ACAA1: variants seen among roughly 807,000 people sequenced by gnomAD.
ACAA1 encodes acetyl-CoA acyltransferase 1.
Under a neutral mutation model 48.8 loss-of-function variants are expected in ACAA1, and 44 were observed. The observed-to-expected ratio is 0.90, with a 90% CI of 0.71 to 1.16. The LOEUF (loss-of-function observed/expected upper bound fraction) is 1.16. Ranked by LOEUF, ACAA1 falls within the 50% of genes most tolerant of loss-of-function variation. The probability of loss-of-function intolerance (pLI) is 0.00; values close to 1 mark genes in which losing one functional copy is unlikely to be tolerated. For missense variants in ACAA1, 512 were observed against 562.3 expected, an observed-to-expected ratio of 0.91 and a Z score of 0.90; for synonymous variants, 233 against 226.5, an observed-to-expected ratio of 1.03 and a Z score of -0.26.
At chr3:38,136,462 G>T in intron 2 of ACAA1, 130 bp downstream of exon 2, 1 of 896,016 alleles carries the variant, frequency 1.1e-6, no homozygotes, top group Non-Finnish European at 1.8e-6. Context: ...GTGTGAAGGG[G>T]CAGGACCCCT....
intron 6 of ACAA1, among the ~76,000 whole-genome samples, chr3:38,128,425 T>A (rs1230051663): frequency 6.6e-6 from 1 of 152,214 alleles, no homozygotes; most frequent in African/African-American, 2.4e-5. Context: ...TCTGGCTTTA[T>A]AGGCTTCCCT....
intron 11 of ACAA1, chr3:38,123,521 T>G: frequency 5.7e-6 from 1 of 175,556 alleles, no homozygotes; most frequent in Non-Finnish European, 1.2e-5. Context: ...AAGATCAAAA[T>G]CCTGAAAATA....
chr3:38,131,796 G>A (rs1157827438), intron 4 of ACAA1, 130 bp downstream of exon 4: 2 of 1,189,128 alleles, frequency 1.7e-6, no homozygotes, highest in African/African-American at 1.5e-5. Flanking sequence ...CAGTGGTAGG[G>A]GGCGCTCCTG....
intron 5 of ACAA1, among the ~76,000 whole-genome samples, chr3:38,131,148 A>G (rs1700777673): frequency 6.6e-6 from 1 of 152,224 alleles, no homozygotes; most frequent in Admixed American, 6.5e-5. Flanking sequence ...AAGTTTCCAC[A>G]CTGGTTCCAA....
In ACAA1 at chr3:38,126,191, T is replaced by C. The variant is rs763447621; in HGVS notation, c.968A>G (p.Tyr323Cys). 1.6e-5 allele frequency: 26 copies of C among 1,614,016 alleles called. No individual in the cohort carries two copies. The highest frequency in any genetic ancestry group is 2.2e-5 in the Non-Finnish European group (26 of 1,179,990). Residue 323 changes from tyrosine (Y) to cysteine (C), a missense_variant, in exon 9 of 12, where the codon TAT becomes TGT. Coordinates refer to ENST00000333167, the MANE Select transcript of ACAA1 (RefSeq NM_001607.4). This position sits in a 1 kb window ranked among gnomAD's most constrained non-coding sequence, Gnocchi z 4.7. ...PPDIMGIGPA[Y>C]AIPVALQKAG... Reference sequence around the variant, plus strand: ...TTTTTGCAAAGCTACTGGGATGGCATAGGCAGGTCCAATGCCCATGATGTC... The same window carrying C: ...TTTTTGCAAAGCTACTGGGATGGCACAGGCAGGTCCAATGCCCATGATGTC...
Position 38,129,707 on chromosome 3 carries a change from A to G in ACAA1, c.447-319T>C, listed in dbSNP as rs562872703. ...AGAAAAGCCTTCTGCTGTCAGCCACAGAGGAGGAAACACATCCACAAGCCA... is the reference window on the plus strand; with the variant it reads ...AGAAAAGCCTTCTGCTGTCAGCCACGGAGGAGGAAACACATCCACAAGCCA... On this transcript the variant is annotated intron_variant, in intron 5 of 11. Transcript: ENST00000333167. The surrounding 1 kb of genome is among the most constrained non-coding windows in gnomAD (Gnocchi z 5.3). Among the ~76,000 whole-genome samples the G allele has an allele frequency of 6.6e-6, 1 of 152,374 alleles. No individual in the cohort carries two copies. The highest frequency in any genetic ancestry group is 2.4e-5 in the African/African-American group (1 of 41,596).
chr3:38,134,708 T>C (rs1700853937), intron 2 of ACAA1, among the ~76,000 whole-genome samples: 1 of 152,212 alleles, frequency 6.6e-6, no homozygotes, highest in South Asian at 2.1e-4. Context: ...TTGCAGACAG[T>C]ATGCTTGGTA....
In ACAA1 at chr3:38,126,064, A is replaced by G. The variant is rs999173379; in HGVS notation, c.997+98T>C. 1 of 1,492,810 alleles carries G rather than the reference A, an allele frequency of 6.7e-7. No homozygotes were observed. The highest frequency in any genetic ancestry group is 9.2e-7 in the Non-Finnish European group (1 of 1,092,188). The allele number at this position is 1,492,810 out of a possible 1,614,324, so 92.5% of individuals were successfully genotyped here. A position where few individuals can be genotyped will look rare whatever the true frequency, so the allele number is the denominator to read the frequency against. ...CTAGCCTGCCCCACCTCCACTCTGC[A>G]GCACCCACAGGACCACCCTCATGCC... On this transcript the variant is annotated intron_variant, in intron 9 of 11. Transcript: ENST00000333167. This position sits in a 1 kb window ranked among gnomAD's most constrained non-coding sequence, Gnocchi z 4.7.
chr3:38,125,953 G>A (rs1700672597), intron 9 of ACAA1, 72 bp from the exon 10 acceptor site: 1 of 1,599,606 alleles, frequency 6.3e-7, no homozygotes, highest in Non-Finnish European at 8.6e-7. Flanking sequence ...CCATCCATGG[G>A]CCTACAGGCT....
At chr3:38,132,862 TA>T (rs1700815909) in intron 3 of ACAA1, among the ~76,000 whole-genome samples, 1 of 152,106 alleles carries the variant, frequency 6.6e-6, no homozygotes, top group Non-Finnish European at 1.5e-5. Context: ...CTTAACTCCC[TA>T]GCAGGTAGTT....
chr3:38,129,504 C>G lies in ACAA1; in HGVS notation c.447-116G>C. The G allele has an allele frequency of 1.3e-6, 1 of 778,782 alleles. No individual in the cohort carries two copies. Among genetic ancestry groups the G allele is most frequent in the South Asian group, 1.7e-5 (1 of 58,106 alleles). The allele number at this position is 778,782 out of a possible 1,614,324, so 48.2% of individuals were successfully genotyped here. A position where few individuals can be genotyped will look rare whatever the true frequency, so the allele number is the denominator to read the frequency against. Reference sequence around the variant, plus strand: ...AAATAGCCAGGGAGCCCTAGGAAGACCAGTGGGCCTCTGGGAGTCACAGGC... The same window carrying G: ...AAATAGCCAGGGAGCCCTAGGAAGAGCAGTGGGCCTCTGGGAGTCACAGGC... On this transcript the variant is annotated intron_variant, in intron 5 of 11. Transcript: ENST00000333167. This position sits in a 1 kb window ranked among gnomAD's most constrained non-coding sequence, Gnocchi z 5.3.
chr3:38,129,539 G>A lies in ACAA1; in HGVS notation c.447-151C>T, dbSNP rs908558565. 6 of 634,108 alleles carry A rather than the reference G, an allele frequency of 9.5e-6. No homozygotes were observed. The highest frequency in any genetic ancestry group is 9.2e-5 in the African/African-American group (5 of 54,562). The allele number at this position is 634,108 out of a possible 1,614,324, so 39.3% of individuals were successfully genotyped here. ...TCTGGGAGTCACAGGCAGGGCACTT[G>A]GCCAGCAAGGCCCAGCCACGAGTAC... On this transcript the variant is annotated intron_variant, in intron 5 of 11. Coordinates refer to ENST00000333167, the MANE Select transcript of ACAA1 (RefSeq NM_001607.4). This position sits in a 1 kb window ranked among gnomAD's most constrained non-coding sequence, Gnocchi z 5.3.
chr3:38,134,716 GT>G (rs1199671152), intron 2 of ACAA1, among the ~76,000 whole-genome samples: 2 of 152,192 alleles, frequency 1.3e-5, no homozygotes, highest in African/African-American at 4.8e-5. Context: ...AGTATGCTTG[GT>G]AAAAGTCATC....
chr3:38,133,197 T>C (rs1700821602), intron 3 of ACAA1, among the ~76,000 whole-genome samples: 1 of 152,096 alleles, frequency 6.6e-6, no homozygotes, highest in Non-Finnish European at 1.5e-5. Context: ...GGGCTAGCAC[T>C]TCAAGGAGAC....
chr3:38,132,225 A>T, intron 3 of ACAA1: 1 of 397,918 alleles, frequency 2.5e-6, no homozygotes, highest in Non-Finnish European at 4.7e-6. Context: ...AGGGCCCCAC[A>T]AGCACATTCC....
chr3:38,124,368 A>C (rs1412550741), intron 11 of ACAA1: 1 of 152,182 alleles, frequency 6.6e-6, no homozygotes, highest in Non-Finnish European at 1.5e-5. Flanking sequence ...GCACTTTGGA[A>C]GCTAAGGTGG....
chr3:38,132,305 C>T (rs1451899383), intron 3 of ACAA1: 2 of 191,334 alleles, frequency 1.0e-5, no homozygotes, highest in Non-Finnish European at 2.2e-5. Context: ...CCTGTTTGGG[C>T]CACAGGGATC....
rs747991817 is a variant in ACAA1 at position 38,136,855 on chromosome 3, C to T, written c.171+10G>A. On this transcript the variant is annotated intron_variant, in intron 1 of 11. Transcript: ENST00000333167. ...TTCCCACACTCGGCGCCCAGACCCT[C>T]GGGCCTCACCTTGAAGCCGCCGCGG... is the stretch of plus-strand genomic sequence containing the variant. The T allele has an allele frequency of 5.5e-5, 83 of 1,521,338 alleles. No homozygotes were observed. The highest frequency in any genetic ancestry group is 6.7e-5 in the Non-Finnish European group (76 of 1,139,946). The allele number at this position is 1,521,338 out of a possible 1,614,324, so 94.2% of individuals were successfully genotyped here.
chr3:38,129,390 T>C lies in ACAA1; in HGVS notation c.447-2A>G. 6.2e-7 allele frequency: 1 copy of C among 1,611,690 alleles called. No individual in the cohort carries two copies. The highest frequency in any genetic ancestry group is 8.5e-7 in the Non-Finnish European group (1 of 1,177,936). On this transcript the variant is annotated splice_acceptor_variant, in intron 5 of 11. Transcript: ENST00000333167. LOFTEE classifies it high-confidence loss of function. This position sits in a 1 kb window ranked among gnomAD's most constrained non-coding sequence, Gnocchi z 5.3. ...TCAGCCAGGGACATGGACTCCACCC[T>C]GGGGAGGAGGAAGAGGAGGAGAAGG...
Sources: allele counts gnomAD v4.1 joint callset (sites outside exome capture counted in the v4.1 genomes callset), GRCh38; gene constraint gnomAD v4.1.1; non-coding constraint Gnocchi (gnomAD v3.1); transcripts MANE v1.5; gene names NCBI Gene and HGNC (gene_info 2026-07-23, HGNC 2026-07-21).